The following DSCAM variants were observed in gnomAD, a reference collection of about 807,000 sequenced individuals.
DSCAM encodes DS cell adhesion molecule.
Under a neutral mutation model 217.7 loss-of-function variants are expected in DSCAM, and 47 were observed. The ratio of observed to expected loss-of-function variants is 0.22; its 90% CI spans 0.17 to 0.28. The LOEUF (loss-of-function observed/expected upper bound fraction) is 0.28. Ranked by LOEUF, DSCAM falls within the 10% of genes least tolerant of loss-of-function variation. The pLI is 1.00. For synonymous variants in DSCAM, 1,056 were observed against 1,015.3 expected (o/e 1.04, Z -0.76); for missense variants, 2,080 against 2,618.3 (o/e 0.79, Z 4.49).
intron 16 of DSCAM, among the ~76,000 whole-genome samples, chr21:40,148,113 T>G (rs554092366): frequency 6.6e-6 from 1 of 152,314 alleles, no homozygotes; most frequent in African/African-American, 2.4e-5. Context: ...CTCTCCTCTA[T>G]TTTTCTTAAT....
intron 1 of DSCAM, among the ~76,000 whole-genome samples, chr21:40,823,036 G>A (rs2091941696): frequency 6.6e-6 from 1 of 152,074 alleles, no homozygotes; most frequent in Non-Finnish European, 1.5e-5. Flanking sequence ...TGTAATTCCA[G>A]CGGCTTGGGA....
intron 3 of DSCAM, among the ~76,000 whole-genome samples, chr21:40,596,560 G>A (rs1245277791): frequency 6.6e-6 from 1 of 152,176 alleles, no homozygotes; most frequent in East Asian, 1.9e-4. Flanking sequence ...AGGTTGGAAA[G>A]TATAATTATG....
At chr21:40,516,422 C>A (rs1302272720) in intron 3 of DSCAM, among the ~76,000 whole-genome samples, 3 of 152,156 alleles carry the variant, frequency 2.0e-5, no homozygotes, top group Non-Finnish European at 4.4e-5. Context: ...AAAACACTGG[C>A]AGTTCCTGTT....
At chr21:40,279,793 C>A (rs1022102416) in intron 10 of DSCAM, among the ~76,000 whole-genome samples, 4 of 152,102 alleles carry the variant, frequency 2.6e-5, no homozygotes, top group African/African-American at 9.7e-5. Flanking sequence ...TACTATGCAG[C>A]CATAAAATAG....
At chr21:40,513,977 A>G (rs1358305401) in intron 3 of DSCAM, among the ~76,000 whole-genome samples, 5 of 152,196 alleles carry the variant, frequency 3.3e-5, no homozygotes, top group Non-Finnish European at 7.3e-5. Flanking sequence ...AAGGCTTTGC[A>G]CTCAAAACTG....
intron 3 of DSCAM, among the ~76,000 whole-genome samples, chr21:40,670,869 G>A (rs888113432): frequency 2.0e-4 from 30 of 152,144 alleles, no homozygotes; most frequent in African/African-American, 7.0e-4. Flanking sequence ...AGGTGACTTA[G>A]CATTCCTAAT....
At chr21:40,275,122 T>A (rs2073669637) in intron 11 of DSCAM, among the ~76,000 whole-genome samples, 1 of 151,700 alleles carries the variant, frequency 6.6e-6, no homozygotes, top group Admixed American at 6.6e-5. Flanking sequence ...GGAAGGAGCT[T>A]GAGACCAGCC....
chr21:40,475,647 A>G (rs2075927670), intron 3 of DSCAM, among the ~76,000 whole-genome samples: 1 of 152,140 alleles, frequency 6.6e-6, no homozygotes, highest in Non-Finnish European at 1.5e-5. Flanking sequence ...CCTGACCAAC[A>G]TGGTGAGACC....
intron 30 of DSCAM, among the ~76,000 whole-genome samples, chr21:40,047,856 C>T (rs1377668285): frequency 6.6e-6 from 1 of 152,194 alleles, no homozygotes; most frequent in Non-Finnish European, 1.5e-5. Flanking sequence ...TAGTCCCATC[C>T]TGGGTAACAG....
At chr21:40,819,673 C>T (rs1019571039) in intron 1 of DSCAM, among the ~76,000 whole-genome samples, 6 of 152,058 alleles carry the variant, frequency 3.9e-5, no homozygotes, top group African/African-American at 7.2e-5. Flanking sequence ...GGCTTATATG[C>T]GAATTTCTAA....
chr21:40,764,520 A>T (rs1002059953), intron 1 of DSCAM, among the ~76,000 whole-genome samples: 3 of 152,210 alleles, frequency 2.0e-5, no homozygotes, highest in African/African-American at 7.2e-5. Flanking sequence ...AATTAGTTCA[A>T]CCATTATGGA....
In DSCAM at chr21:40,042,614, C is replaced by T. The variant is rs772544835; in HGVS notation, c.5443G>A (p.Ala1815Thr). The change falls in exon 32 of 33, where the codon GCC becomes ACC. Residue 1815 changes from alanine to threonine, a missense_variant. Physicochemically the swap from Ala to Thr is moderately conservative, Grantham distance 58. This residue lies in a region of DSCAM where 1,144 missense variants were observed against 1,421.1 expected (regional missense o/e 0.81). Transcript: ENST00000400454. ...ESASSTYEEL[A>T]RAYEHAKMEE... The stretch of plus-strand genomic sequence containing the variant: ...ATCTTGGCGTGTTCGTAGGCCCTGG[C>T]CAGTTCTTCGTAAGTGGAGGAGGCA... The T allele has an allele frequency of 1.2e-6, 2 of 1,613,906 alleles. No homozygotes were observed. The highest frequency in any genetic ancestry group is 1.7e-5 in the Admixed American group (1 of 59,992).
At chr21:40,674,512 T>C (rs2090313249) in intron 3 of DSCAM, among the ~76,000 whole-genome samples, 1 of 152,064 alleles carries the variant, frequency 6.6e-6, no homozygotes, top group African/African-American at 2.4e-5. Flanking sequence ...TAAACCTCCA[T>C]GTACCATCCC....
In DSCAM at chr21:40,353,585, G is replaced by T; in HGVS notation, c.814C>A (p.Gln272Lys). 6.2e-7 allele frequency: 1 copy of T among 1,610,322 alleles called. No homozygotes were observed. Among genetic ancestry groups the T allele is most frequent in the Non-Finnish European group, 8.5e-7 (1 of 1,179,154 alleles). The change falls in exon 5 of 33, where the codon CAG becomes AAG. Residue 272 changes from glutamine to lysine, a missense_variant. Physicochemically the swap from Gln to Lys is moderately conservative, Grantham distance 53. Coordinates refer to ENST00000400454, the MANE Select transcript of DSCAM (RefSeq NM_001389.5). Reference sequence around the variant, plus strand: ...ATGAGCAGCCCCGTCACGGTCTTCTGGAACCTCCCTGAAAGTTCCAGGGGC... The same window carrying T: ...ATGAGCAGCCCCGTCACGGTCTTCTTGAACCTCCCTGAAAGTTCCAGGGGC... ...NMPLELSGRF[Q>K]KTVTGLLIEN...
At chr21:40,327,617 T>C (rs2123547187) in intron 8 of DSCAM, among the ~76,000 whole-genome samples, 1 of 152,234 alleles carries the variant, frequency 6.6e-6, no homozygotes, top group Non-Finnish European at 1.5e-5. Context: ...GCATCTTTTT[T>C]TTTTTGTTCA....
chr21:40,453,222 T>C (rs1374472075), intron 3 of DSCAM, among the ~76,000 whole-genome samples: 1 of 152,194 alleles, frequency 6.6e-6, no homozygotes, highest in Non-Finnish European at 1.5e-5. Flanking sequence ...ATAGGATTAA[T>C]ATGTGATAAG....
chr21:40,662,119 T>C (rs2090144708), intron 3 of DSCAM, among the ~76,000 whole-genome samples: 1 of 55,874 alleles, frequency 1.8e-5, no homozygotes, highest in Non-Finnish European at 7.0e-5. Flanking sequence ...CACATTACGT[T>C]GTTAAAACAA....
chr21:40,233,441 G>C (rs1392276972), intron 11 of DSCAM, among the ~76,000 whole-genome samples: 2 of 152,236 alleles, frequency 1.3e-5, no homozygotes, highest in Non-Finnish European at 2.9e-5. Flanking sequence ...CAACCAGTCT[G>C]AGGCAATTTT....
At chr21:40,409,237 A>C (rs981597995) in intron 3 of DSCAM, among the ~76,000 whole-genome samples, 1 of 152,256 alleles carries the variant, frequency 6.6e-6, no homozygotes, top group African/African-American at 2.4e-5. Flanking sequence ...TAAATGTTAC[A>C]TTACACTATA....
Sources: gnomAD v4.1 joint callset for allele counts (sites outside exome capture counted in the v4.1 genomes callset) on GRCh38, gnomAD v4.1.1 for gene constraint, gnomAD v4.1.1 regional missense constraint, MANE v1.5 for transcripts, NCBI Gene and HGNC (gene_info 2026-07-23, HGNC 2026-07-21) for gene names.